Variants in VPS13B observed in about 807,000 individuals in gnomAD.
VPS13B encodes the protein intermembrane lipid transfer protein VPS13B.
VPS13B carries 285 observed loss-of-function variants against 426.4 expected under a neutral mutation model. That is an observed-to-expected ratio of 0.67 (90% CI 0.61 to 0.74). VPS13B has a LOEUF of 0.74. Among genes scored for constraint, VPS13B ranks in the 30% least tolerant of loss-of-function variants. The probability of loss-of-function intolerance (pLI) is 0.00; values close to 1 mark genes in which losing one functional copy is unlikely to be tolerated. For synonymous variants in VPS13B, 1,676 were observed against 1,676.4 expected, an observed-to-expected ratio of 1.00 and a Z score of 0.01; for missense variants, 4,537 against 4,782.6, an observed-to-expected ratio of 0.95 and a Z score of 1.51.
At chr8:99,372,027 G>A (rs560892215) in intron 19 of VPS13B, among the ~76,000 whole-genome samples, 7 of 152,068 alleles carry the variant, frequency 4.6e-5, no homozygotes, top group South Asian at 4.2e-4. Flanking sequence ...CGAGGCGGGC[G>A]GATCACGAGG....
chr8:99,350,386 G>A (rs1171228306), intron 19 of VPS13B, among the ~76,000 whole-genome samples: 1 of 152,176 alleles, frequency 6.6e-6, no homozygotes, highest in Non-Finnish European at 1.5e-5. Context: ...GATCATTTTG[G>A]TTGCAGTGTG....
intron 39 of VPS13B, among the ~76,000 whole-genome samples, chr8:99,731,068 A>G (rs1277499196): frequency 3.3e-5 from 5 of 152,144 alleles, no homozygotes; most frequent in African/African-American, 1.2e-4. Flanking sequence ...TCAGAACTGG[A>G]TAGAGAGGGC....
chr8:99,336,552 G>C (rs1302325753), intron 19 of VPS13B, among the ~76,000 whole-genome samples: 1 of 152,080 alleles, frequency 6.6e-6, no homozygotes, highest in Non-Finnish European at 1.5e-5. Flanking sequence ...CACAGCAAAA[G>C]AAACTACCAT....
intron 30 of VPS13B, among the ~76,000 whole-genome samples, chr8:99,522,967 C>T (rs1485417995): frequency 6.6e-6 from 1 of 152,148 alleles, no homozygotes; most frequent in African/African-American, 2.4e-5. Flanking sequence ...AAAGACCCTG[C>T]ATACTAGGGC....
chr8:99,651,097 G>T (rs1829796969), intron 34 of VPS13B, among the ~76,000 whole-genome samples: 1 of 152,078 alleles, frequency 6.6e-6, no homozygotes, highest in Non-Finnish European at 1.5e-5. Flanking sequence ...GGAGGTCTTG[G>T]AACCAGTCCC....
At chr8:99,420,397 T>G in intron 21 of VPS13B, among the ~76,000 whole-genome samples, 1 of 152,282 alleles carries the variant, frequency 6.6e-6, no homozygotes, top group East Asian at 1.9e-4. Flanking sequence ...GTACTGATTT[T>G]GAGTAATTTT....
chr8:99,744,645 A>G (rs571916292), intron 39 of VPS13B, among the ~76,000 whole-genome samples: 3 of 152,324 alleles, frequency 2.0e-5, no homozygotes, highest in African/African-American at 4.8e-5. Flanking sequence ...CAGCCATAAA[A>G]AATGATGAGT....
At chr8:99,160,261 T>C (rs1053582850) in intron 15 of VPS13B, among the ~76,000 whole-genome samples, 1 of 152,202 alleles carries the variant, frequency 6.6e-6, no homozygotes, top group Non-Finnish European at 1.5e-5. Flanking sequence ...GAACAATACA[T>C]GTTTTAGCTA....
At chr8:99,547,395 A>G (rs1490915687) in intron 30 of VPS13B, among the ~76,000 whole-genome samples, 3 of 152,084 alleles carry the variant, frequency 2.0e-5, no homozygotes, top group African/African-American at 7.2e-5. Flanking sequence ...GTAGACATTT[A>G]ATTTAATCAA....
intron 44 of VPS13B, among the ~76,000 whole-genome samples, chr8:99,815,583 C>T (rs1043285046): frequency 6.6e-6 from 1 of 152,124 alleles, no homozygotes; most frequent in Non-Finnish European, 1.5e-5. Context: ...TAAATGTCTG[C>T]TCATACCATG....
chr8:99,746,035 G>A (rs370646809), intron 39 of VPS13B, among the ~76,000 whole-genome samples: 10 of 151,968 alleles, frequency 6.6e-5, no homozygotes, highest in Admixed American at 2.6e-4. Context: ...ATCAGTAAGA[G>A]TCCCCTTTTA....
At chr8:99,806,458 A>G (rs945298219) in intron 43 of VPS13B, among the ~76,000 whole-genome samples, 8 of 152,162 alleles carry the variant, frequency 5.3e-5, no homozygotes, top group African/African-American at 1.7e-4. Context: ...CTGGACTACT[A>G]TGTGACTGCT....
At chr8:99,489,855 A>G (rs1389732865) in intron 25 of VPS13B, among the ~76,000 whole-genome samples, 1 of 152,144 alleles carries the variant, frequency 6.6e-6, no homozygotes, top group African/African-American at 2.4e-5. Flanking sequence ...GCAAACAAGG[A>G]CAATTTGACT....
At chr8:99,820,681 T>C (rs1327497973) in intron 49 of VPS13B, among the ~76,000 whole-genome samples, 3 of 152,100 alleles carry the variant, frequency 2.0e-5, no homozygotes, top group Non-Finnish European at 2.9e-5. Flanking sequence ...ATTTTATATT[T>C]CTGTCACAAA....
At chr8:99,660,173 A>T (rs1263259870) in intron 34 of VPS13B, among the ~76,000 whole-genome samples, 1 of 152,220 alleles carries the variant, frequency 6.6e-6, no homozygotes, top group African/African-American at 2.4e-5. Context: ...TAACGTCATG[A>T]TCAATTGCTT....
At chr8:99,391,419 A>C (rs573451928) in intron 20 of VPS13B, 138 bp from the exon 21 acceptor site, 3 of 1,342,688 alleles carry the variant, frequency 2.2e-6, no homozygotes, top group East Asian at 2.5e-5. Flanking sequence ...GGAGGGAGAG[A>C]TTGATTGATT....
intron 19 of VPS13B, among the ~76,000 whole-genome samples, chr8:99,319,442 A>G (rs1300401601): frequency 6.6e-6 from 1 of 152,232 alleles, no homozygotes; most frequent in Non-Finnish European, 1.5e-5. Flanking sequence ...GTTAGAGTCT[A>G]AATTCAAGTA....
chr8:99,768,173 G>A lies in VPS13B; in HGVS notation c.7247+1203G>A, dbSNP rs114149756. Among the ~76,000 whole-genome samples the A allele has an allele frequency of 3.3e-3, 500 of 152,246 alleles. 2 individuals are homozygous for A. The highest frequency in any genetic ancestry group is 0.011 in the African/African-American group (444 of 41,532). ...ATCATGTGTACTGTGAGGCTATGCT[G>A]TTCATTGCTGTGGATGCCCTACGTG... On this transcript the variant is annotated intron_variant, in intron 40 of 61. Transcript: ENST00000357162.
intron 30 of VPS13B, among the ~76,000 whole-genome samples, chr8:99,542,523 CT>C (rs971781093): frequency 3.9e-4 from 60 of 152,152 alleles, no homozygotes; most frequent in African/African-American, 1.4e-3. Flanking sequence ...CATGAGGATG[CT>C]TGTTTTTTGT....
Sources: allele counts gnomAD v4.1 joint callset (sites outside exome capture counted in the v4.1 genomes callset), GRCh38; gene constraint gnomAD v4.1.1; transcripts MANE v1.5; gene names NCBI Gene and HGNC (gene_info 2026-07-23, HGNC 2026-07-21).